RASSF3: variants seen among roughly 807,000 people sequenced by gnomAD.
RASSF3 encodes Ras association domain family member 3.
Under a neutral mutation model 19.9 loss-of-function variants are expected in RASSF3, and 19 were observed. That is an observed-to-expected ratio of 0.96 (90% confidence interval 0.67 to 1.40). The LOEUF is 1.40. Ranked by LOEUF, RASSF3 falls within the 40% of genes most tolerant of loss-of-function variation. The pLI is 0.00. For missense variants in RASSF3, 306 were observed against 289.8 expected (o/e 1.06, Z -0.41); for synonymous variants, 110 against 104.2 (o/e 1.06, Z -0.34).
intron 1 of RASSF3, among the ~76,000 whole-genome samples, chr12:64,526,982 T>C (rs984337190): frequency 2.6e-5 from 4 of 152,260 alleles, no homozygotes; most frequent in African/African-American, 9.6e-5. Flanking sequence ...TTTAAAAGGC[T>C]GAATAGTGTT....
At chr12:64,551,718 C>A (rs955220405) in intron 2 of RASSF3, among the ~76,000 whole-genome samples, 1 of 152,104 alleles carries the variant, frequency 6.6e-6, no homozygotes. Context: ...TTATTGTTTT[C>A]TTTAATACTC....
intron 2 of RASSF3, among the ~76,000 whole-genome samples, chr12:64,592,301 C>T (rs559280708): frequency 6.6e-6 from 1 of 152,156 alleles, no homozygotes; most frequent in East Asian, 1.9e-4. Context: ...GAGGTTATTC[C>T]ATATCAGTGT....
intron 2 of RASSF3, among the ~76,000 whole-genome samples, chr12:64,687,580 T>C (rs1873408865): frequency 1.3e-5 from 2 of 152,064 alleles, no homozygotes; most frequent in South Asian, 2.1e-4. Flanking sequence ...TTTCAAGCGA[T>C]TGAATTTTTT....
intron 1 of RASSF3, among the ~76,000 whole-genome samples, chr12:64,639,422 T>G (rs1795613): frequency 0.43 from 66,031 of 151,894 alleles, 14,656 homozygotes; most frequent in African/African-American, 0.48. Flanking sequence ...ATGTGGCTTA[T>G]TTGGGCAGGG....
intron 1 of RASSF3, among the ~76,000 whole-genome samples, chr12:64,512,040 G>A (rs1326949430): frequency 2.0e-5 from 3 of 152,200 alleles, no homozygotes; most frequent in Admixed American, 2.0e-4. Flanking sequence ...CCACAGGGAA[G>A]AAGAGAAAGG....
intron 1 of RASSF3, among the ~76,000 whole-genome samples, chr12:64,650,413 T>TCC (rs1362433832): frequency 2.3e-5 from 3 of 129,994 alleles, no homozygotes; most frequent in Non-Finnish European, 4.8e-5. Flanking sequence ...TTTTCCTTTT[T>TCC]TTTTTTTTTT....
intron 1 of RASSF3, among the ~76,000 whole-genome samples, chr12:64,612,590 C>T (rs73319630): frequency 0.017 from 2,636 of 151,616 alleles, 84 homozygotes; most frequent in African/African-American, 0.061. Context: ...ATTCCCTTGC[C>T]TCAGCTTCCC....
intron 2 of RASSF3, among the ~76,000 whole-genome samples, chr12:64,562,690 G>A (rs1466262031): frequency 1.3e-5 from 2 of 152,026 alleles, no homozygotes; most frequent in East Asian, 3.9e-4. Flanking sequence ...GCTTGATCAC[G>A]GCTCACTGCA....
intron 1 of RASSF3, among the ~76,000 whole-genome samples, chr12:64,667,404 G>A (rs1460446847): frequency 1.3e-5 from 2 of 152,172 alleles, no homozygotes; most frequent in East Asian, 1.9e-4. Flanking sequence ...TCGGCTTACT[G>A]TAGCCTCTGC....
At chr12:64,662,925 G>C (rs1289407347) in intron 1 of RASSF3, among the ~76,000 whole-genome samples, 4 of 152,132 alleles carry the variant, frequency 2.6e-5, no homozygotes, top group African/African-American at 9.7e-5. Context: ...GGCTCAGGGG[G>C]AGATGTCTTT....
intron 2 of RASSF3, among the ~76,000 whole-genome samples, chr12:64,591,729 G>A (rs1225302692): frequency 6.6e-6 from 1 of 152,002 alleles, no homozygotes; most frequent in Non-Finnish European, 1.5e-5. Context: ...TTTAGGAGTT[G>A]CTTTTTCCCA....
At chr12:64,611,982 C>T (rs766846878) in intron 1 of RASSF3, among the ~76,000 whole-genome samples, 1 of 152,142 alleles carries the variant, frequency 6.6e-6, no homozygotes, top group African/African-American at 2.4e-5. Flanking sequence ...AATCTCAAGT[C>T]CCGGTGCCAT....
At chr12:64,628,847 CATA>C (rs1277874820) in intron 1 of RASSF3, among the ~76,000 whole-genome samples, 2 of 152,134 alleles carry the variant, frequency 1.3e-5, no homozygotes, top group Non-Finnish European at 2.9e-5. Context: ...CCAGCCTACA[CATA>C]GAGGTAAATA....
chr12:64,602,104 G>A (rs1161837246), intron 2 of RASSF3, among the ~76,000 whole-genome samples: 1 of 147,668 alleles, frequency 6.8e-6, no homozygotes, highest in Non-Finnish European at 1.5e-5. Context: ...GTGACAGAGC[G>A]ACTTCGTCTC....
intron 2 of RASSF3, among the ~76,000 whole-genome samples, chr12:64,601,378 G>A (rs1870088605): frequency 6.6e-6 from 1 of 152,200 alleles, no homozygotes; most frequent in Non-Finnish European, 1.5e-5. Context: ...AATTGTTCGT[G>A]AGAGTCTGCT....
At chr12:64,641,414 A>ACACACACACACACACG in intron 1 of RASSF3, among the ~76,000 whole-genome samples, 26 of 142,194 alleles carry the variant, frequency 1.8e-4, no homozygotes, top group African/African-American at 7.0e-4. Context: ...ACACACACAC[A>ACACACACACACACACG]CGCGCGCGCG....
chr12:64,606,754 G>T (rs1382680987), upstream of RASSF3, among the ~76,000 whole-genome samples: 1 of 152,144 alleles, frequency 6.6e-6, no homozygotes, highest in Non-Finnish European at 1.5e-5. Context: ...GGCAGAGGTT[G>T]CAGTGAGCTG....
At chr12:64,640,530 C>A (rs571267917) in intron 1 of RASSF3, among the ~76,000 whole-genome samples, 1 of 152,260 alleles carries the variant, frequency 6.6e-6, no homozygotes, top group South Asian at 2.1e-4. Flanking sequence ...TTTAGATAAA[C>A]CACATAAAAG....
chr12:64,578,078 G>A (rs1010153714), intron 2 of RASSF3, among the ~76,000 whole-genome samples: 2 of 151,946 alleles, frequency 1.3e-5, no homozygotes, highest in African/African-American at 2.4e-5. Flanking sequence ...AATTAGCTGG[G>A]CATGGTGACG....
Sources: gnomAD v4.1 joint callset for allele counts (sites outside exome capture counted in the v4.1 genomes callset) on GRCh38, gnomAD v4.1.1 for gene constraint, MANE v1.5 for transcripts, NCBI Gene and HGNC (gene_info 2026-07-23, HGNC 2026-07-21) for gene names.